The following NLRP14 variants were observed in gnomAD, a reference collection of about 807,000 sequenced individuals.
The protein encoded by NLRP14 is NLR family pyrin domain containing 14, also known as NACHT, LRR and PYD domains-containing protein 14.
In NLRP14, 105 loss-of-function variants were observed where a neutral mutation model predicts 94.7. That is an observed-to-expected ratio of 1.11 (90% CI 0.95 to 1.30). The LOEUF (loss-of-function observed/expected upper bound fraction) is 1.30. NLRP14 is among the 50% of genes most tolerant of loss of function. The probability of loss-of-function intolerance (pLI) is 0.00; values close to 1 mark genes in which losing one functional copy is unlikely to be tolerated. For missense variants in NLRP14, 1,362 were observed against 1,254.1 expected (o/e 1.09, Z -1.30); for synonymous variants, 508 against 459.9 (o/e 1.10, Z -1.34).
intron 1 of NLRP14, among the ~76,000 whole-genome samples, chr11:7,030,800 CT>C (rs1852079849): frequency 6.6e-6 from 1 of 152,038 alleles, no homozygotes; most frequent in African/African-American, 2.4e-5. Context: ...GGGAAAGGTC[CT>C]TCAAAGCTGG....
At chr11:7,062,710 C>G (rs530398731) in intron 10 of NLRP14, among the ~76,000 whole-genome samples, 1 of 152,126 alleles carries the variant, frequency 6.6e-6, no homozygotes, top group East Asian at 1.9e-4. Context: ...TTCTTTGTGT[C>G]CCCTTTAGTA....
intron 10 of NLRP14, among the ~76,000 whole-genome samples, chr11:7,066,174 T>C (rs146491325): frequency 0.031 from 4,723 of 152,296 alleles, 141 homozygotes; most frequent in East Asian, 0.13. Context: ...AACATACATG[T>C]GCATGTGTCT....
Position 7,038,893 on chromosome 11 carries a change from C to T in NLRP14, c.289+18C>T, listed in dbSNP as rs770179687. The T allele has an allele frequency of 6.2e-7, 1 of 1,611,426 alleles. No homozygotes were observed. Among genetic ancestry groups the T allele is most frequent in the Non-Finnish European group, 8.5e-7 (1 of 1,179,102 alleles). ...GATCAACTGTGAGTGATGCTAGGGGCAAATCGGGGGCTAGGCAGGAAGGAA... is the reference window on the plus strand; with the variant it reads ...GATCAACTGTGAGTGATGCTAGGGGTAAATCGGGGGCTAGGCAGGAAGGAA... On this transcript the variant is annotated intron_variant, in intron 2 of 11. Coordinates refer to ENST00000299481, the MANE Select transcript of NLRP14 (RefSeq NM_176822.4).
At chr11:7,058,506 T>C in intron 8 of NLRP14, 56 bp downstream of exon 8, 2 of 1,250,300 alleles carry the variant, frequency 1.6e-6, no homozygotes, top group East Asian at 2.5e-5. Flanking sequence ...GAAATATGTT[T>C]AAAATAGTAA....
At chr11:7,032,402 A>T (rs1395844254) in intron 1 of NLRP14, among the ~76,000 whole-genome samples, 1 of 152,178 alleles carries the variant, frequency 6.6e-6, no homozygotes, top group South Asian at 2.1e-4. Flanking sequence ...TATTCTAAAC[A>T]AACACCCTTA....
chr11:7,089,966 C>T, the NLRP14 span: 1 of 1,613,142 alleles, frequency 6.2e-7, no homozygotes, highest in Non-Finnish European at 8.5e-7. Context: ...ATCGAGAGCC[C>T]TTTGAGAGCT....
In NLRP14 at chr11:7,053,653, C is replaced by T. The variant is rs543555655; in HGVS notation, c.2291+3815C>T. On this transcript the variant is annotated intron_variant, in intron 6 of 11. Transcript: ENST00000299481. The stretch of plus-strand genomic sequence containing the variant: ...TTTGTATTTTTTTTTACTTTCACTT[C>T]TGTATTTTCAATTTTTTAGGTACAT... Among the ~76,000 whole-genome samples the T allele has an allele frequency of 4.2e-4, 63 of 151,502 alleles. 1 individual carries two copies. The South Asian group carries it at 0.012, about 30-fold the overall frequency.
chr11:7,038,538 C>T, intron 1 of NLRP14, 28 bp from the exon 2 acceptor site: 2 of 1,554,616 alleles, frequency 1.3e-6, no homozygotes, highest in Non-Finnish European at 1.8e-6. Context: ...ATTCCATGTG[C>T]TTTTGGTTAT....
intron 10 of NLRP14, among the ~76,000 whole-genome samples, chr11:7,067,983 G>GT (rs1338704586): frequency 6.6e-6 from 1 of 151,788 alleles, no homozygotes; most frequent in East Asian, 1.9e-4. Flanking sequence ...AATTATTTAG[G>GT]TTTTCTCTTT....
intron 6 of NLRP14, among the ~76,000 whole-genome samples, chr11:7,053,136 A>T (rs1422449277): frequency 6.6e-6 from 1 of 152,174 alleles, no homozygotes; most frequent in Non-Finnish European, 1.5e-5. Flanking sequence ...ATGAAGAACA[A>T]ATTGTGTGGT....
intron 1 of NLRP14, among the ~76,000 whole-genome samples, chr11:7,025,355 G>C (rs1175126766): frequency 6.6e-6 from 1 of 152,058 alleles, no homozygotes; most frequent in Non-Finnish European, 1.5e-5. Context: ...AAATGTTTAA[G>C]GATTTTCAAG....
At chr11:7,067,780 A>T (rs951952869) in intron 10 of NLRP14, among the ~76,000 whole-genome samples, 1 of 152,202 alleles carries the variant, frequency 6.6e-6, no homozygotes, top group South Asian at 2.1e-4. Flanking sequence ...TGCAGTCTTC[A>T]TCAAGTTTTT....
Position 7,038,752 on chromosome 11 carries a change from G to C in NLRP14, c.166G>C (p.Glu56Gln). 2 of 1,613,772 alleles carry C rather than the reference G, an allele frequency of 1.2e-6. No homozygotes were observed. The highest frequency in any genetic ancestry group is 1.7e-6 in the Non-Finnish European group (2 of 1,179,752). Residue 56 changes from glutamate to glutamine, a missense_variant, in exon 2 of 12, where the codon GAG (glutamate) becomes CAG (glutamine). Physicochemically the swap from Glu to Gln is conservative, Grantham distance 29. Coordinates refer to ENST00000299481, the MANE Select transcript of NLRP14 (RefSeq NM_176822.4). ...GAATGAAGTGAAGAAGGCCAGGCGG[G>C]AGGACCTGGCCAATTTGATGAAGAA... ...PWNEVKKARR[E>Q]DLANLMKKYY... is the part of the protein sequence containing the mutation.
At chr11:7,057,591 A>G in intron 6 of NLRP14, 86 bp from the exon 7 acceptor site, 2 of 1,291,418 alleles carry the variant, frequency 1.5e-6, no homozygotes, top group South Asian at 2.4e-5. Flanking sequence ...AAGATTAGGA[A>G]ACTTCCTACC....
intron 3 of NLRP14, among the ~76,000 whole-genome samples, chr11:7,041,125 T>C (rs920962291): frequency 4.6e-5 from 7 of 152,208 alleles, no homozygotes; most frequent in African/African-American, 9.6e-5. Context: ...TGAATTACTA[T>C]AGTTTCGTGG....
the NLRP14 span, among the ~76,000 whole-genome samples, chr11:7,085,512 C>A: frequency 1.3e-5 from 2 of 152,150 alleles, no homozygotes; most frequent in African/African-American, 2.4e-5. Context: ...TTTCACCTAG[C>A]ATAATGTCCT....
rs901141147 is a variant in NLRP14, at chr11:7,061,578, A to G, written c.2805-755A>G. On this transcript the variant is annotated intron_variant, in intron 9 of 11. Coordinates refer to ENST00000299481, the MANE Select transcript of NLRP14 (RefSeq NM_176822.4). ...GGTGATGCTTTTGTCCCCAAATAAC[A>G]TAAAATGCTGATAACAGGGAAATAA... Among the ~76,000 whole-genome samples the G allele has an allele frequency of 2.6e-4, 40 of 152,068 alleles. 1 individual carries two copies. The highest frequency in any genetic ancestry group is 8.7e-4 in the African/African-American group (36 of 41,432).
chr11:7,062,854 G>A (rs1399700084), intron 10 of NLRP14, among the ~76,000 whole-genome samples: 1 of 152,006 alleles, frequency 6.6e-6, no homozygotes, highest in African/African-American at 2.4e-5. Context: ...TCTTCTATCT[G>A]TAAAATACTA....
At position 7,070,550 on chromosome 11, in the gene NLRP14, G is replaced by C. The variant is rs894090444; in HGVS notation, c.3146+94G>C. On this transcript the variant is annotated intron_variant, in intron 11 of 11. Transcript: ENST00000299481. ...TACAGGCCTCAGAATCCACCTAATT[G>C]TGTATCATTGGGTATTTTCTAGACA... 5 of 803,432 alleles carry C rather than the reference G, an allele frequency of 6.2e-6. No individual in the cohort carries two copies. In the African/African-American group the frequency reaches 6.9e-5, roughly 11 times the overall value. The allele number at this position is 803,432 out of a possible 1,614,324, so 49.8% of individuals were successfully genotyped here.
Sources: allele counts gnomAD v4.1 joint callset (sites outside exome capture counted in the v4.1 genomes callset), GRCh38; gene constraint gnomAD v4.1.1; transcripts MANE v1.5; gene names NCBI Gene and HGNC (gene_info 2026-07-23, HGNC 2026-07-21).